The following ADGRL3 variants were observed in gnomAD, a reference collection of about 807,000 sequenced individuals.
ADGRL3 encodes the protein calcium-independent alpha-latrotoxin receptor 3.
ADGRL3 carries 62 observed loss-of-function variants against 153.5 expected under a neutral mutation model. That is an observed-to-expected ratio of 0.40 (90% CI 0.33 to 0.50). The LOEUF is 0.50. ADGRL3 is among the 20% of genes least tolerant of loss of function. The pLI is 0.47. For synonymous variants in ADGRL3, 710 were observed against 672.5 expected (o/e 1.06, Z -0.86); for missense variants, 1,641 against 1,859.4 (o/e 0.88, Z 2.16).
intron 2 of ADGRL3, among the ~76,000 whole-genome samples, chr4:61,486,572 G>C (rs2098196826): frequency 6.6e-6 from 1 of 152,120 alleles, no homozygotes; most frequent in Non-Finnish European, 1.5e-5. Context: ...CTTTGAGTTA[G>C]AATTAGTATG....
intron 2 of ADGRL3, among the ~76,000 whole-genome samples, chr4:61,389,576 C>T (rs918379568): frequency 4.6e-5 from 7 of 151,336 alleles, no homozygotes; most frequent in South Asian, 2.1e-4. Context: ...TTAATTGTGT[C>T]GCTTTTTTAC....
intron 2 of ADGRL3, among the ~76,000 whole-genome samples, chr4:61,449,653 T>G (rs1350154604): frequency 6.6e-6 from 1 of 152,124 alleles, no homozygotes; most frequent in Non-Finnish European, 1.5e-5. Flanking sequence ...ATATATAATA[T>G]TCTCTAACTT....
chr4:61,498,513 G>A (rs1579193836), intron 3 of ADGRL3, among the ~76,000 whole-genome samples: 1 of 152,066 alleles, frequency 6.6e-6, no homozygotes, highest in African/African-American at 2.4e-5. Flanking sequence ...TCGTGCCACT[G>A]CATTCCAGCC....
chr4:61,518,028 A>G (rs186397250), intron 4 of ADGRL3, among the ~76,000 whole-genome samples: 18 of 152,300 alleles, frequency 1.2e-4, no homozygotes, highest in Non-Finnish European at 2.6e-4. Flanking sequence ...TTCTTATGAA[A>G]ATGGCGGAAC....
intron 5 of ADGRL3, among the ~76,000 whole-genome samples, chr4:61,593,732 C>G (rs2098978585): frequency 6.6e-6 from 1 of 151,990 alleles, no homozygotes; most frequent in African/African-American, 2.4e-5. Flanking sequence ...CTTTTAGGAT[C>G]CCTTCTTTAT....
At chr4:61,780,190 G>C (rs1013772848) in intron 8 of ADGRL3, among the ~76,000 whole-genome samples, 7 of 152,288 alleles carry the variant, frequency 4.6e-5, no homozygotes, top group African/African-American at 1.4e-4. Flanking sequence ...ACCCTGTTTT[G>C]TGTCCTCACA....
rs181455157 is a variant in ADGRL3, at chr4:62,033,450, G to A, written c.3591+1840G>A. 2.0e-5 allele frequency among the ~76,000 whole-genome samples: 3 copies of A among 151,766 alleles called. No individual in the cohort carries two copies. The East Asian group carries it at 5.8e-4, about 29-fold the overall frequency. ...TGGTGAGTGAGAATAGAGCTGTAAG[G>A]AAGAACGAGAATCAAGATGATACAC... is the stretch of plus-strand genomic sequence containing the variant. On this transcript the variant is annotated intron_variant, in intron 23 of 26. Coordinates refer to ENST00000683033, the MANE Select transcript of ADGRL3 (RefSeq NM_001387552.1).
intron 8 of ADGRL3, among the ~76,000 whole-genome samples, chr4:61,750,838 A>C (rs1310229337): frequency 6.6e-6 from 1 of 152,148 alleles, no homozygotes; most frequent in Non-Finnish European, 1.5e-5. Flanking sequence ...CTAAAGGAGC[A>C]AATAAATGCA....
intron 9 of ADGRL3, among the ~76,000 whole-genome samples, chr4:61,817,481 AC>A (rs2148670220): frequency 6.6e-6 from 1 of 152,204 alleles, no homozygotes; most frequent in Admixed American, 6.5e-5. Context: ...GAAGGGAGCC[AC>A]CCACTGCCAG....
chr4:61,886,045 A>C (rs1312761683), intron 9 of ADGRL3, among the ~76,000 whole-genome samples: 1 of 152,222 alleles, frequency 6.6e-6, no homozygotes, highest in African/African-American at 2.4e-5. Context: ...TTGCCATGAA[A>C]GAACTAGAAA....
chr4:61,344,719 T>G (rs1309946025), intron 1 of ADGRL3, among the ~76,000 whole-genome samples: 1 of 152,186 alleles, frequency 6.6e-6, no homozygotes, highest in Admixed American at 6.5e-5. Context: ...ATGTAAATCA[T>G]AGCTCTATAG....
intron 4 of ADGRL3, among the ~76,000 whole-genome samples, chr4:61,557,764 C>G (rs1036270146): frequency 4.6e-5 from 7 of 151,456 alleles, no homozygotes; most frequent in Admixed American, 1.3e-4. Context: ...CTATTTTGCT[C>G]TGAATCATTG....
chr4:62,046,762 A>G (rs962468611), intron 25 of ADGRL3, among the ~76,000 whole-genome samples: 1 of 151,928 alleles, frequency 6.6e-6, no homozygotes, highest in Non-Finnish European at 1.5e-5. Context: ...AGTCATAGTG[A>G]TCTTCATTTC....
chr4:61,261,311 C>T (rs2092499843), intron 1 of ADGRL3, among the ~76,000 whole-genome samples: 1 of 151,396 alleles, frequency 6.6e-6, no homozygotes, highest in Admixed American at 6.6e-5. Flanking sequence ...GGAGTACAGG[C>T]ATGAACCATT....
At chr4:61,214,194 C>T (rs1360758787) in intron 1 of ADGRL3, among the ~76,000 whole-genome samples, 3 of 152,118 alleles carry the variant, frequency 2.0e-5, no homozygotes, top group Non-Finnish European at 2.9e-5. Context: ...TGCAAATTTA[C>T]TGGTTATTAA....
intron 8 of ADGRL3, among the ~76,000 whole-genome samples, chr4:61,769,519 C>G (rs1193193709): frequency 1.3e-5 from 2 of 151,946 alleles, no homozygotes; most frequent in East Asian, 3.9e-4. Flanking sequence ...GGAGGTCCCC[C>G]GATCCGAGTC....
chr4:61,797,948 G>A lies in ADGRL3; in HGVS notation c.1400-15861G>A, dbSNP rs1391432130. Among the ~76,000 whole-genome samples, 7 of 152,070 alleles carry A rather than the reference G, an allele frequency of 4.6e-5. No homozygotes were observed. The East Asian group carries it at 5.8e-4, about 13-fold the overall frequency. On this transcript the variant is annotated intron_variant, in intron 8 of 26. Transcript: ENST00000683033. ...CCTCTTATGGGCTTTGTGACTTTAC[G>A]AAAATCGCTGGATCACAGCCATCTA...
intron 1 of ADGRL3, among the ~76,000 whole-genome samples, chr4:61,237,772 A>G (rs1753396061): frequency 6.6e-6 from 1 of 152,222 alleles, no homozygotes; most frequent in East Asian, 1.9e-4. Context: ...AGGTAATCAC[A>G]TCTCTAGTAC....
intron 8 of ADGRL3, among the ~76,000 whole-genome samples, chr4:61,768,834 G>C (rs1464673706): frequency 6.6e-6 from 1 of 151,912 alleles, no homozygotes; most frequent in African/African-American, 2.4e-5. Flanking sequence ...GAAAAGCAGA[G>C]AAAGGGCTGG....
Sources: allele counts gnomAD v4.1 joint callset (sites outside exome capture counted in the v4.1 genomes callset), GRCh38; gene constraint gnomAD v4.1.1; transcripts MANE v1.5; gene names NCBI Gene and HGNC (gene_info 2026-07-23, HGNC 2026-07-21).